PAH: variants seen among roughly 807,000 people sequenced by gnomAD.
PAH encodes the protein phenylalanine hydroxylase.
Under a neutral mutation model 62.0 loss-of-function variants are expected in PAH, and 64 were observed. The ratio of observed to expected loss-of-function variants is 1.03; its 90% CI spans 0.84 to 1.27. The LOEUF (loss-of-function observed/expected upper bound fraction) is 1.27. PAH is among the 50% of genes most tolerant of loss of function. The pLI is 0.00. For synonymous variants in PAH, 195 were observed against 196.2 expected, an observed-to-expected ratio of 0.99 and a Z score of 0.05; for missense variants, 579 against 542.8, an observed-to-expected ratio of 1.07 and a Z score of -0.66.
chr12:102,895,869 A>ATAAATATATATATATATAT (rs1555208129), intron 2 of PAH, among the ~76,000 whole-genome samples: 12 of 118,746 alleles, frequency 1.0e-4, no homozygotes, highest in African/African-American at 4.3e-4. Context: ...AAAAAAAAAA[A>ATAAATATATATATATATAT]ATATATATAT....
intron 2 of PAH, among the ~76,000 whole-genome samples, chr12:102,897,465 G>GTATATA (rs376902236): frequency 0.022 from 2,019 of 93,866 alleles, 11 homozygotes; most frequent in Middle Eastern, 0.046. Flanking sequence ...GTGTGTGTGT[G>GTATATA]TATATATATA....
In PAH at chr12:102,843,644, A is replaced by G. The variant is rs62508737; in HGVS notation, c.1199+2T>C. 1 of 1,613,556 alleles carries G rather than the reference A, an allele frequency of 6.2e-7. No individual in the cohort carries two copies. The highest frequency in any genetic ancestry group is 8.5e-7 in the Non-Finnish European group (1 of 1,179,742). ...AGTGGCTCACCTTTGTCACCACCTCACCTTACTTTCTCCTTGGCATCATTA... is the reference window on the plus strand; with the variant it reads ...AGTGGCTCACCTTTGTCACCACCTCGCCTTACTTTCTCCTTGGCATCATTA... On this transcript the variant is annotated splice_donor_variant, in intron 11 of 12. Coordinates refer to ENST00000553106, the MANE Select transcript of PAH (RefSeq NM_000277.3). LOFTEE classifies it high-confidence loss of function.
In PAH at chr12:102,843,779, A is replaced by G. The variant is rs62507320; in HGVS notation, c.1066T>C (p.Tyr356His). ...GLLSSFGELQ[Y>H]CLSEKPKLLP... ...AGCTTTGGCTTCTCTGATAAGCAGTACTGTAGGCCCCAAGTGAAAAGTTAT... is the reference window on the plus strand; with the variant it reads ...AGCTTTGGCTTCTCTGATAAGCAGTGCTGTAGGCCCCAAGTGAAAAGTTAT... Residue 356 changes from tyrosine to histidine, a missense_variant and splice_region_variant, in exon 11 of 13, where the codon TAC (tyrosine) becomes CAC (histidine). Coordinates refer to ENST00000553106, the MANE Select transcript of PAH (RefSeq NM_000277.3). The G allele has an allele frequency of 1.5e-4, 243 of 1,613,548 alleles. No individual in the cohort carries two copies. Among genetic ancestry groups the G allele is most frequent in the Non-Finnish European group, 1.9e-4 (225 of 1,179,804 alleles).
At chr12:102,912,723 T>A (rs1878247308) in intron 2 of PAH, 68 bp downstream of exon 2, 3 of 1,114,218 alleles carry the variant, frequency 2.7e-6, no homozygotes, top group Non-Finnish European at 4.1e-6. Context: ...TTTCATTGCA[T>A]CTAACTAGAA....
In PAH at chr12:102,957,712, C is replaced by T. The variant is rs1879965351; in HGVS notation, c.-96+483G>A. 6.6e-6 allele frequency: 1 copy of T among 152,646 alleles called. No individual in the cohort carries two copies. The highest frequency in any genetic ancestry group is 1.5e-5 in the Non-Finnish European group (1 of 68,284). 9.5% of individuals were successfully genotyped at this position (152,646 alleles called of 1,614,324 possible). ...TTCTGGCCAGGGAACGTGGAAGGCG[C>T]ACCGACAGGGATCCGGCCAGGGAGG... On this transcript the variant is annotated intron_variant, in intron 1 of 4. Coordinates refer to the PAH transcript ENST00000551337. This position sits in a 1 kb window ranked among gnomAD's most constrained non-coding sequence, Gnocchi z 4.1.
intron 2 of PAH, among the ~76,000 whole-genome samples, chr12:102,909,518 C>G (rs1322397533): frequency 6.6e-6 from 1 of 152,144 alleles, no homozygotes; most frequent in African/African-American, 2.4e-5. Flanking sequence ...AAACTCTTCT[C>G]CCCCTTCCAT....
intron 4 of PAH, among the ~76,000 whole-genome samples, chr12:102,869,368 A>G (rs957133400): frequency 2.6e-5 from 4 of 152,240 alleles, no homozygotes; most frequent in Admixed American, 2.6e-4. Flanking sequence ...AAATGATTAA[A>G]GAAATACACC....
intron 4 of PAH, chr12:102,877,093 A>G (rs1298862901): frequency 2.8e-6 from 1 of 354,570 alleles, no homozygotes. Flanking sequence ...TGCCCCCTGC[A>G]GTTGGCAGAG....
chr12:102,860,596 A>G (rs1875672558), intron 5 of PAH, among the ~76,000 whole-genome samples: 1 of 152,232 alleles, frequency 6.6e-6, no homozygotes, highest in African/African-American at 2.4e-5. Context: ...CTACAAGGCT[A>G]CAGTAACCAA....
chr12:102,882,846 G>T (rs942511478), intron 3 of PAH, among the ~76,000 whole-genome samples: 2 of 151,634 alleles, frequency 1.3e-5, no homozygotes, highest in African/African-American at 4.9e-5. Flanking sequence ...TGCTCTTTCC[G>T]TATTATTGGA....
At chr12:102,851,561 G>A in intron 8 of PAH, 126 bp downstream of exon 8, 1 of 765,832 alleles carries the variant, frequency 1.3e-6, no homozygotes, top group South Asian at 1.4e-5. Flanking sequence ...ATTTCAGGTG[G>A]GATCATAGAA....
chr12:102,900,477 G>A (rs74560156), intron 2 of PAH, among the ~76,000 whole-genome samples: 23,093 of 151,922 alleles, frequency 0.15, 1,917 homozygotes, highest in African/African-American at 0.21. Context: ...AATTATGCCC[G>A]GGCTGACAAA....
chr12:102,947,062 A>G (rs1036536048), intron 1 of PAH, among the ~76,000 whole-genome samples: 5 of 152,228 alleles, frequency 3.3e-5, no homozygotes, highest in African/African-American at 1.2e-4. Flanking sequence ...AGCTGGGACA[A>G]TACTGAAGTA....
At chr12:102,876,039 G>GAT (rs1307667308) in intron 4 of PAH, among the ~76,000 whole-genome samples, 3 of 141,170 alleles carry the variant, frequency 2.1e-5, no homozygotes, top group African/African-American at 8.2e-5. Context: ...GATAATAGGT[G>GAT]ATTTTTTTTT....
chr12:102,887,344 T>C (rs1374364072), intron 3 of PAH, among the ~76,000 whole-genome samples: 1 of 151,828 alleles, frequency 6.6e-6, no homozygotes, highest in Non-Finnish European at 1.5e-5. Context: ...AAGTGGATGA[T>C]GTTAAGCACA....
At chr12:102,902,408 T>C (rs1173483859) in intron 2 of PAH, among the ~76,000 whole-genome samples, 1 of 152,244 alleles carries the variant, frequency 6.6e-6, no homozygotes, top group Non-Finnish European at 1.5e-5. Context: ...ATCATTTGAT[T>C]CATGTTTTAA....
intron 4 of PAH, among the ~76,000 whole-genome samples, chr12:102,873,098 C>T (rs562187391): frequency 2.6e-5 from 4 of 152,144 alleles, no homozygotes; most frequent in Non-Finnish European, 5.9e-5. Flanking sequence ...GACTCCAGTG[C>T]AGCTGCCAGG....
At chr12:102,884,724 G>A (rs1876959481) in intron 3 of PAH, among the ~76,000 whole-genome samples, 1 of 152,136 alleles carries the variant, frequency 6.6e-6, no homozygotes, top group Admixed American at 6.5e-5. Context: ...TAGAGGCCAA[G>A]CCAGTCCATG....
intron 2 of PAH, among the ~76,000 whole-genome samples, chr12:102,908,192 C>G (rs1878054355): frequency 6.6e-6 from 1 of 150,454 alleles, no homozygotes; most frequent in Non-Finnish European, 1.5e-5. Context: ...CATGCATGCG[C>G]CCCCCTCCCT....
Sources: gnomAD v4.1 joint callset for allele counts (sites outside exome capture counted in the v4.1 genomes callset) on GRCh38, gnomAD v4.1.1 for gene constraint, Gnocchi (gnomAD v3.1) non-coding constraint, MANE v1.5 for transcripts, NCBI Gene and HGNC (gene_info 2026-07-23, HGNC 2026-07-21) for gene names.